SPATA22: variants seen among roughly 807,000 people sequenced by gnomAD.
SPATA22 encodes the protein spermatogenesis-associated protein 22.
SPATA22 carries 29 observed loss-of-function variants against 47.8 expected under a neutral mutation model. The ratio of observed to expected loss-of-function variants is 0.61; its 90% confidence interval spans 0.45 to 0.83. SPATA22 has a LOEUF of 0.83. SPATA22 is among the 40% of genes least tolerant of loss of function. The probability of loss-of-function intolerance (pLI) is 0.00; values close to 1 mark genes in which losing one functional copy is unlikely to be tolerated. For synonymous variants in SPATA22, 133 were observed against 140.9 expected (o/e 0.94, Z 0.40); for missense variants, 410 against 421.7 (o/e 0.97, Z 0.24).
At chr17:3,482,256 A>G (rs1452317285) in intron 1 of SPATA22, among the ~76,000 whole-genome samples, 1 of 152,212 alleles carries the variant, frequency 6.6e-6, no homozygotes, top group Non-Finnish European at 1.5e-5. Flanking sequence ...TTTAACGTAG[A>G]CTAAAGCCCA....
At chr17:3,481,913 T>C (rs920250153) in intron 1 of SPATA22, 19 of 1,013,154 alleles carry the variant, frequency 1.9e-5, no homozygotes, top group South Asian at 6.4e-5. Flanking sequence ...GAAATGGGGT[T>C]TATTCCATAG....
At chr17:3,486,050 A>T (rs1597435341) in intron 1 of SPATA22, among the ~76,000 whole-genome samples, 3 of 151,460 alleles carry the variant, frequency 2.0e-5, no homozygotes, top group African/African-American at 4.9e-5. Flanking sequence ...CTCCTGCCTC[A>T]GCCTCCTGAG....
upstream of SPATA22, chr17:3,475,967 T>G (rs868423736): frequency 1.2e-5 from 7 of 606,404 alleles, no homozygotes; most frequent in Middle Eastern, 1.3e-3. Flanking sequence ...AGGGCAGGGC[T>G]AAAGAAGGGA....
At chr17:3,462,398 C>T (rs1268332298) in intron 5 of SPATA22, 85 bp downstream of exon 5, 14 of 891,152 alleles carry the variant, frequency 1.6e-5, no homozygotes, top group Admixed American at 2.6e-5. Flanking sequence ...TGAGAAACAA[C>T]GAAGTGAAGG....
intron 1 of SPATA22, chr17:3,471,418 G>A (rs1164976523): frequency 1.1e-5 from 11 of 984,882 alleles, no homozygotes; most frequent in African/African-American, 3.5e-5. Context: ...TGAGGGCGGG[G>A]ACCCTCATTT....
chr17:3,494,991 C>T (rs532025962), intron 1 of SPATA22, among the ~76,000 whole-genome samples: 13 of 152,180 alleles, frequency 8.5e-5, no homozygotes, highest in Admixed American at 3.9e-4. Flanking sequence ...TAGAGAAAAA[C>T]GACTGGAACC....
At chr17:3,506,345 C>T (rs879336689) in intron 1 of SPATA22, among the ~76,000 whole-genome samples, 1 of 152,142 alleles carries the variant, frequency 6.6e-6, no homozygotes, top group Non-Finnish European at 1.5e-5. Flanking sequence ...CAGAAGCTTA[C>T]ATCCCATCAA....
intron 7 of SPATA22, among the ~76,000 whole-genome samples, chr17:3,445,852 T>C (rs1490975804): frequency 6.6e-6 from 1 of 152,108 alleles, no homozygotes; most frequent in Non-Finnish European, 1.5e-5. Flanking sequence ...GGAGGCTGTA[T>C]CAGTTTCCCA....
Position 3,446,607 on chromosome 17 carries a change from G to GA in SPATA22, c.673-7dup, listed in dbSNP as rs1408046924. 1.3e-6 allele frequency: 2 copies of GA among 1,507,276 alleles called. No individual in the cohort carries two copies. The highest frequency in any genetic ancestry group is 1.4e-5 in the African/African-American group (1 of 70,068). The allele number at this position is 1,507,276 out of a possible 1,614,324, so 93.4% of individuals were successfully genotyped here. On this transcript the variant is annotated splice_region_variant and splice_polypyrimidine_tract_variant and intron_variant, in intron 6 of 8. Coordinates refer to ENST00000572969, the MANE Select transcript of SPATA22 (RefSeq NM_001170698.2). ...AACTGATACAATGAGGTTTCCTTTT[G>GA]AAAAAATAAGAAACATAGTATTAGA...
chr17:3,465,184 GC>G (rs2073267501), intron 3 of SPATA22, among the ~76,000 whole-genome samples: 1 of 138,934 alleles, frequency 7.2e-6, no homozygotes, highest in Non-Finnish European at 1.6e-5. Flanking sequence ...CCGGCCAGCC[GC>G]CTCGTCCAGG....
intron 1 of SPATA22, among the ~76,000 whole-genome samples, chr17:3,469,754 G>A (rs976585517): frequency 6.6e-6 from 1 of 152,172 alleles, no homozygotes; most frequent in Non-Finnish European, 1.5e-5. Flanking sequence ...GGCCAAGGAG[G>A]AAACACAGTA....
At chr17:3,506,932 C>T (rs1379302093) in intron 1 of SPATA22, among the ~76,000 whole-genome samples, 1 of 140,410 alleles carries the variant, frequency 7.1e-6, no homozygotes, top group Non-Finnish European at 1.5e-5. Context: ...CAAGGCAAGA[C>T]TCTGTCGGAA....
chr17:3,509,663 T>A (rs2074086218), intron 1 of SPATA22, among the ~76,000 whole-genome samples: 1 of 152,240 alleles, frequency 6.6e-6, no homozygotes, highest in Non-Finnish European at 1.5e-5. Context: ...TGATTTACAT[T>A]CCTTTGGGTG....
At chr17:3,452,267 A>C (rs1380893312) in intron 5 of SPATA22, among the ~76,000 whole-genome samples, 1 of 151,470 alleles carries the variant, frequency 6.6e-6, no homozygotes, top group Non-Finnish European at 1.5e-5. Flanking sequence ...ACTAGAGTAG[A>C]AATAAATAAA....
In SPATA22 at chr17:3,493,081, A is replaced by G. The variant is rs1263026512; in HGVS notation, c.-74+20331T>C. Among the ~76,000 whole-genome samples the G allele has an allele frequency of 3.9e-5, 6 of 152,202 alleles. No individual in the cohort carries two copies. The East Asian group carries it at 1.2e-3, about 29-fold the overall frequency. The stretch of plus-strand genomic sequence containing the variant: ...GACCATAACACGCTGTGGGCCCTAC[A>G]TTGGACCAAACGTTCATCCTGTTTG... On this transcript the variant is annotated intron_variant, in intron 1 of 8. Coordinates refer to the SPATA22 transcript ENST00000541913.
At chr17:3,466,077 A>T (rs150629928) in intron 3 of SPATA22, among the ~76,000 whole-genome samples, 1 of 151,882 alleles carries the variant, frequency 6.6e-6, no homozygotes, top group East Asian at 1.9e-4. Flanking sequence ...GAAATATATG[A>T]ACTTCACACT....
chr17:3,462,983 T>C (rs1352390528), intron 3 of SPATA22, among the ~76,000 whole-genome samples: 1 of 152,248 alleles, frequency 6.6e-6, no homozygotes, highest in African/African-American at 2.4e-5. Flanking sequence ...TAAGCAAAGA[T>C]AATTTAATCT....
rs2150750175 is a variant in SPATA22 at position 3,485,425 on chromosome 17, A to G, written c.-73-16027T>C. 6.6e-6 allele frequency among the ~76,000 whole-genome samples: 1 copy of G among 152,318 alleles called. No homozygotes were observed. Among genetic ancestry groups the G allele is most frequent in the Non-Finnish European group, 1.5e-5 (1 of 68,022 alleles). On this transcript the variant is annotated intron_variant, in intron 1 of 8. Coordinates refer to the SPATA22 transcript ENST00000541913. The surrounding 1 kb of genome is among the most constrained non-coding windows in gnomAD (Gnocchi z 4.4). ...TATAAAATACTAGCCAACCAGGAGA[A>G]TCGCTTGAACCCCGGAGGTGGAGGT...
At position 3,443,212 on chromosome 17, in the gene SPATA22, C is replaced by T. The variant is rs1051935077; in HGVS notation, c.862G>A (p.Asp288Asn). 2.5e-6 allele frequency: 4 copies of T among 1,610,516 alleles called. No individual in the cohort carries two copies. The highest frequency in any genetic ancestry group is 3.4e-6 in the Non-Finnish European group (4 of 1,177,998). ...ACACAAGGCAGAGTATTTTTCCCAT[C>T]CCTCATAAGAAAAGTCTTCGAATAA... ...PYYSKTFLMRDGKNTLPCVFY... is the reference protein window; with the variant it reads ...PYYSKTFLMRNGKNTLPCVFY... The change falls in exon 8 of 9, where the codon GAT becomes AAT. Residue 288 changes from aspartate (D) to asparagine (N), a missense_variant. By Grantham distance (23) the Asp-to-Asn change is conservative. Transcript: ENST00000572969.
Sources: allele counts gnomAD v4.1 joint callset (sites outside exome capture counted in the v4.1 genomes callset), GRCh38; gene constraint gnomAD v4.1.1; non-coding constraint Gnocchi (gnomAD v3.1); transcripts MANE v1.5; gene names NCBI Gene and HGNC (gene_info 2026-07-23, HGNC 2026-07-21).